CSMD3: variants seen among roughly 807,000 people sequenced by gnomAD.
CSMD3 encodes the protein CUB and sushi domain-containing protein 3.
A neutral mutation model predicts 435.2 loss-of-function variants in CSMD3; 177 were observed. The observed-to-expected ratio is 0.41, with a 90% CI of 0.36 to 0.46. The LOEUF is 0.46. Among genes scored for constraint, CSMD3 ranks in the 20% least tolerant of loss-of-function variants. CSMD3 has a pLI of 0.34. For synonymous variants in CSMD3, 1,656 were observed against 1,520.5 expected (o/e 1.09, Z -2.07); for missense variants, 4,265 against 4,504.6 (o/e 0.95, Z 1.52).
intron 13 of CSMD3, among the ~76,000 whole-genome samples, chr8:112,705,908 G>T (rs2076489304): frequency 6.6e-6 from 1 of 151,974 alleles, no homozygotes; most frequent in South Asian, 2.1e-4. Flanking sequence ...GAAGTGATAA[G>T]GGAATCCTCC....
At position 112,544,618 on chromosome 8, in the gene CSMD3, T is replaced by A. The variant is rs183960943; in HGVS notation, c.4564+6053A>T. 2.8e-3 allele frequency among the ~76,000 whole-genome samples: 420 copies of A among 152,332 alleles called. 2 individuals are homozygous for A. The highest frequency in any genetic ancestry group is 4.2e-3 in the Non-Finnish European group (287 of 68,018). The stretch of plus-strand genomic sequence containing the variant: ...TCTCTGCTTTTTAAAAAAATTTGTT[T>A]CTGGATGTATGAAATTCTTGGATTT... On this transcript the variant is annotated intron_variant, in intron 27 of 70. Coordinates refer to ENST00000297405, the MANE Select transcript of CSMD3 (RefSeq NM_198123.2).
At chr8:112,725,922 C>T (rs2076954561) in intron 13 of CSMD3, among the ~76,000 whole-genome samples, 2 of 151,926 alleles carry the variant, frequency 1.3e-5, no homozygotes, top group African/African-American at 4.8e-5. Flanking sequence ...CTATAAAGAA[C>T]TGCCTGAGAC....
chr8:112,467,050 G>A (rs1017152054), intron 32 of CSMD3, among the ~76,000 whole-genome samples: 1 of 152,188 alleles, frequency 6.6e-6, no homozygotes, highest in South Asian at 2.1e-4. Flanking sequence ...CAAGGCAGTG[G>A]CAGCTACTTT....
intron 3 of CSMD3, among the ~76,000 whole-genome samples, chr8:113,258,861 T>C (rs1341291340): frequency 6.6e-6 from 1 of 151,742 alleles, no homozygotes; most frequent in African/African-American, 2.4e-5. Flanking sequence ...TAGCTAGGAG[T>C]AGAGTGTTAG....
chr8:112,886,433 G>A (rs1212103315), intron 10 of CSMD3, among the ~76,000 whole-genome samples: 1 of 150,730 alleles, frequency 6.6e-6, no homozygotes, highest in Non-Finnish European at 1.5e-5. Flanking sequence ...CTCAAAATAT[G>A]TTCCTGTTAT....
intron 6 of CSMD3, among the ~76,000 whole-genome samples, chr8:112,982,587 T>C (rs2130970588): frequency 6.6e-6 from 1 of 152,094 alleles, no homozygotes; most frequent in South Asian, 2.1e-4. Flanking sequence ...CTGGCAGCTC[T>C]CATGGAAGAA....
At chr8:112,600,750 T>C (rs943776032) in intron 22 of CSMD3, among the ~76,000 whole-genome samples, 3 of 152,036 alleles carry the variant, frequency 2.0e-5, no homozygotes, top group African/African-American at 7.2e-5. Flanking sequence ...CGATCTCGGC[T>C]CACTGCAAGC....
chr8:112,870,342 C>G (rs1027645677), intron 10 of CSMD3, among the ~76,000 whole-genome samples: 1 of 150,950 alleles, frequency 6.6e-6, no homozygotes, highest in Non-Finnish European at 1.5e-5. Context: ...GATCTCGGCT[C>G]ACTGCAAGCT....
At chr8:112,387,936 G>C (rs1830117501) in intron 36 of CSMD3, among the ~76,000 whole-genome samples, 2 of 152,176 alleles carry the variant, frequency 1.3e-5, no homozygotes. Flanking sequence ...TGTACTAGTT[G>C]TCAGAATGGA....
At chr8:112,449,886 C>T (rs144533992) in intron 32 of CSMD3, among the ~76,000 whole-genome samples, 1,797 of 152,174 alleles carry the variant, frequency 0.012, 31 homozygotes, top group African/African-American at 0.041. Flanking sequence ...CCACGCCTGG[C>T]TAATTTTTCA....
At chr8:112,517,862 T>C (rs1823845558) in intron 27 of CSMD3, among the ~76,000 whole-genome samples, 1 of 152,206 alleles carries the variant, frequency 6.6e-6, no homozygotes, top group Non-Finnish European at 1.5e-5. Flanking sequence ...TGGCACTTTC[T>C]TACGAAACTA....
chr8:113,077,958 A>T (rs1167348882), intron 5 of CSMD3, among the ~76,000 whole-genome samples: 2 of 152,204 alleles, frequency 1.3e-5, no homozygotes, highest in Non-Finnish European at 2.9e-5. Flanking sequence ...AAATTTTAGA[A>T]ATTAAATGTA....
intron 6 of CSMD3, among the ~76,000 whole-genome samples, chr8:112,995,274 AAGTT>A (rs1199388922): frequency 1.3e-5 from 2 of 151,422 alleles, no homozygotes; most frequent in Non-Finnish European, 3.0e-5. Context: ...TTGGAAAACA[AAGTT>A]AGTGCAATGA....
intron 16 of CSMD3, 101 bp downstream of exon 16, chr8:112,682,341 A>G: frequency 2.3e-6 from 2 of 879,316 alleles, no homozygotes; most frequent in Non-Finnish European, 3.9e-6. Context: ...ATGTTTTAAG[A>G]TAATGATTAT....
intron 25 of CSMD3, among the ~76,000 whole-genome samples, chr8:112,554,046 T>C (rs1175925475): frequency 6.6e-6 from 1 of 151,942 alleles, no homozygotes; most frequent in Non-Finnish European, 1.5e-5. Flanking sequence ...AGAAATTCTT[T>C]CTCAAAACTT....
At chr8:113,303,177 T>A (rs1448212169) in intron 2 of CSMD3, among the ~76,000 whole-genome samples, 3 of 145,984 alleles carry the variant, frequency 2.1e-5, no homozygotes, top group South Asian at 2.3e-4. Context: ...TCAAAGAGAA[T>A]AAAATACCTA....
At chr8:112,328,475 C>T (rs1373558519) in intron 45 of CSMD3, among the ~76,000 whole-genome samples, 1 of 152,040 alleles carries the variant, frequency 6.6e-6, no homozygotes, top group African/African-American at 2.4e-5. Flanking sequence ...ATTTTATATT[C>T]AGTTTGTTTC....
At chr8:113,077,774 TAGG>T (rs565003839) in intron 5 of CSMD3, among the ~76,000 whole-genome samples, 47 of 152,176 alleles carry the variant, frequency 3.1e-4, no homozygotes, top group African/African-American at 1.1e-3. Flanking sequence ...AGGTTTAAAA[TAGG>T]AGCATAATTG....
chr8:113,306,499 A>T (rs1480196867), intron 2 of CSMD3, among the ~76,000 whole-genome samples: 2 of 152,138 alleles, frequency 1.3e-5, no homozygotes, highest in African/African-American at 4.8e-5. Context: ...AGGCATTTAG[A>T]TATTTTTGGA....
Sources: gnomAD v4.1 joint callset for allele counts (sites outside exome capture counted in the v4.1 genomes callset) on GRCh38, gnomAD v4.1.1 for gene constraint, MANE v1.5 for transcripts, NCBI Gene and HGNC (gene_info 2026-07-23, HGNC 2026-07-21) for gene names.